The following HDAC4 variants were observed in gnomAD, a reference collection of about 807,000 sequenced individuals.
HDAC4 encodes the protein histone deacetylase 4.
A neutral mutation model predicts 135.1 loss-of-function variants in HDAC4; 16 were observed. The ratio of observed to expected loss-of-function variants is 0.12; its 90% confidence interval spans 0.08 to 0.18. The LOEUF is 0.18. Ranked by LOEUF, HDAC4 falls within the 10% of genes least tolerant of loss-of-function variation. HDAC4 has a pLI of 1.00. For missense variants in HDAC4, 1,143 were observed against 1,511.8 expected (o/e 0.76, Z 4.05); for synonymous variants, 685 against 653.4 (o/e 1.05, Z -0.74).
intron 2 of HDAC4, among the ~76,000 whole-genome samples, chr2:239,247,376 A>G (rs934803835): frequency 3.3e-5 from 5 of 152,238 alleles, no homozygotes; most frequent in Non-Finnish European, 7.3e-5. Context: ...TTGGGGTGGA[A>G]TATCCCCCCT....
intron 2 of HDAC4, among the ~76,000 whole-genome samples, chr2:239,266,136 A>C (rs2049712804): frequency 6.6e-6 from 1 of 152,206 alleles, no homozygotes; most frequent in Non-Finnish European, 1.5e-5. Context: ...CATAAGGCCA[A>C]GGGGCCAGGC....
chr2:239,106,928 G>A (rs1236874321), intron 15 of HDAC4, among the ~76,000 whole-genome samples: 1 of 152,340 alleles, frequency 6.6e-6, no homozygotes, highest in African/African-American at 2.4e-5. Flanking sequence ...TGCGCTATCT[G>A]TAGGATGGTG....
intron 1 of HDAC4, among the ~76,000 whole-genome samples, chr2:239,379,445 C>T (rs1419500275): frequency 6.6e-6 from 1 of 152,186 alleles, no homozygotes; most frequent in Non-Finnish European, 1.5e-5. Flanking sequence ...CTGCCTGTCA[C>T]CCTCCAGTCC....
At chr2:239,258,373 C>T (rs1158156312) in intron 2 of HDAC4, among the ~76,000 whole-genome samples, 1 of 151,432 alleles carries the variant, frequency 6.6e-6, no homozygotes, top group African/African-American at 2.4e-5. Context: ...GGCTAAAAGA[C>T]ACCAGGGAAA....
chr2:239,097,912 T>C (rs1223144659), intron 16 of HDAC4, among the ~76,000 whole-genome samples: 1 of 152,242 alleles, frequency 6.6e-6, no homozygotes, highest in Non-Finnish European at 1.5e-5. Flanking sequence ...CATCACTGAC[T>C]ACTCCAACGC....
chr2:239,129,396 C>A (rs2040413656), intron 11 of HDAC4, among the ~76,000 whole-genome samples: 1 of 152,188 alleles, frequency 6.6e-6, no homozygotes, highest in African/African-American at 2.4e-5. Flanking sequence ...CATCAGGACA[C>A]AATTCTGTGG....
intron 18 of HDAC4, chr2:239,089,771 G>A: frequency 2.0e-6 from 1 of 498,956 alleles, no homozygotes; most frequent in Non-Finnish European, 3.6e-6. Context: ...AGAGTATAAA[G>A]GGTTCTTAAG....
chr2:239,090,120 TGGA>T lies in HDAC4; in HGVS notation c.2281-7_2281-5del. 3 of 1,605,646 alleles carry T rather than the reference TGGA, an allele frequency of 1.9e-6. No homozygotes were observed. The highest frequency in any genetic ancestry group is 2.6e-6 in the Non-Finnish European group (3 of 1,172,750). ...TCCATATGGTGTCACTGTCCACCTG[TGGA>T]AACAACACCCCACAGTGAGGTCACC... is the stretch of plus-strand genomic sequence containing the variant. On this transcript the variant is annotated splice_region_variant and splice_polypyrimidine_tract_variant and intron_variant, in intron 17 of 26. Coordinates refer to ENST00000543185, the MANE Select transcript of HDAC4 (RefSeq NM_001378414.1).
At chr2:239,226,764 G>T (rs2047265687) in intron 3 of HDAC4, among the ~76,000 whole-genome samples, 1 of 152,242 alleles carries the variant, frequency 6.6e-6, no homozygotes, top group Non-Finnish European at 1.5e-5. Flanking sequence ...GACAGGGAAA[G>T]AACCAGTTGG....
intron 19 of HDAC4, 130 bp downstream of exon 19, chr2:239,087,429 T>G (rs1019735634): frequency 8.2e-6 from 7 of 856,108 alleles, no homozygotes; most frequent in Non-Finnish European, 1.1e-5. Flanking sequence ...CAAGCCGGCA[T>G]GCGGCACATC....
chr2:239,301,270 G>A (rs570339349), intron 2 of HDAC4, among the ~76,000 whole-genome samples: 8 of 152,166 alleles, frequency 5.3e-5, no homozygotes, highest in South Asian at 2.1e-4. Context: ...ACGACGAGGG[G>A]CGATGGTGGG....
Position 239,082,231 on chromosome 2 carries a change from C to A in HDAC4, c.2533-10G>T. 1 of 1,614,184 alleles carries A rather than the reference C, an allele frequency of 6.2e-7. No individual in the cohort carries two copies. The highest frequency in any genetic ancestry group is 8.5e-7 in the Non-Finnish European group (1 of 1,180,030). On this transcript the variant is annotated splice_polypyrimidine_tract_variant and intron_variant, in intron 20 of 26. Coordinates refer to ENST00000543185, the MANE Select transcript of HDAC4 (RefSeq NM_001378414.1). The stretch of plus-strand genomic sequence containing the variant: ...TTCCATGGTGCACGTCCTTAAAGAG[C>A]AGGGACAACTACTTCAGGGCTGAGG...
intron 6 of HDAC4, among the ~76,000 whole-genome samples, chr2:239,157,407 C>T (rs1235473567): frequency 3.3e-5 from 5 of 152,176 alleles, no homozygotes. Context: ...GGGAGCTGAC[C>T]TACGAAAGGG....
At position 239,349,721 on chromosome 2, in the gene HDAC4, C is replaced by A. The variant is rs1438934552; in HGVS notation, c.22+2957G>T. 6.6e-6 allele frequency among the ~76,000 whole-genome samples: 1 copy of A among 152,226 alleles called. No individual in the cohort carries two copies. The highest frequency in any genetic ancestry group is 1.5e-5 in the Non-Finnish European group (1 of 68,038). On this transcript the variant is annotated intron_variant, in intron 2 of 26. Transcript: ENST00000543185. The surrounding 1 kb of genome is among the most constrained non-coding windows in gnomAD (Gnocchi z 5.7). The stretch of plus-strand genomic sequence containing the variant: ...CAAGGGGTCCTGCCTCCCAAGGGAC[C>A]TCCGGGCGGAAGGGCAGACACGGCA...
At chr2:239,071,213 T>C (rs1491000924) in intron 22 of HDAC4, among the ~76,000 whole-genome samples, 3 of 151,822 alleles carry the variant, frequency 2.0e-5, no homozygotes, top group African/African-American at 7.3e-5. Flanking sequence ...AGGTCAGGAG[T>C]TTGAGACCAG....
At chr2:239,362,124 A>T (rs1693907420) in intron 1 of HDAC4, among the ~76,000 whole-genome samples, 2 of 152,244 alleles carry the variant, frequency 1.3e-5, no homozygotes, top group East Asian at 1.9e-4. Context: ...GTCCACACTG[A>T]GCCACAGAGC....
chr2:239,215,637 G>A (rs2046590353), intron 3 of HDAC4, among the ~76,000 whole-genome samples: 2 of 152,096 alleles, frequency 1.3e-5, no homozygotes, highest in Non-Finnish European at 2.9e-5. Context: ...AGACATCCCC[G>A]CAGGAAATGC....
intron 3 of HDAC4, among the ~76,000 whole-genome samples, chr2:239,235,767 C>T (rs903209301): frequency 2.6e-5 from 4 of 152,194 alleles, no homozygotes; most frequent in East Asian, 3.9e-4. Context: ...GGGCTGGGCG[C>T]GGTGGCTCAC....
At chr2:239,204,702 C>T (rs2045944085) in intron 3 of HDAC4, among the ~76,000 whole-genome samples, 3 of 152,178 alleles carry the variant, frequency 2.0e-5, no homozygotes, top group Non-Finnish European at 4.4e-5. Flanking sequence ...TGCCGCTTCT[C>T]GCCCTTCAAC....
Sources: allele counts gnomAD v4.1 joint callset (sites outside exome capture counted in the v4.1 genomes callset), GRCh38; gene constraint gnomAD v4.1.1; non-coding constraint Gnocchi (gnomAD v3.1); transcripts MANE v1.5; gene names NCBI Gene and HGNC (gene_info 2026-07-23, HGNC 2026-07-21).